The following TASP1 variants were observed in gnomAD, a reference collection of about 807,000 sequenced individuals.
TASP1 encodes taspase 1.
TASP1 carries 16 observed loss-of-function variants against 56.6 expected under a neutral mutation model. The observed-to-expected ratio is 0.28, with a 90% CI of 0.19 to 0.43. The LOEUF is 0.43. Ranked by LOEUF, TASP1 falls within the 20% of genes least tolerant of loss-of-function variation. The pLI is 1.00. For missense variants in TASP1, 393 were observed against 511.6 expected, an observed-to-expected ratio of 0.77 and a Z score of 2.24; for synonymous variants, 179 against 184.2, an observed-to-expected ratio of 0.97 and a Z score of 0.23.
At chr20:13,499,562 T>C (rs1165256481) in intron 10 of TASP1, among the ~76,000 whole-genome samples, 1 of 151,980 alleles carries the variant, frequency 6.6e-6, no homozygotes, top group Non-Finnish European at 1.5e-5. Context: ...CAGACTATGA[T>C]ACTTGGAGCA....
At chr20:13,561,483 G>C (rs1568584134) in intron 7 of TASP1, among the ~76,000 whole-genome samples, 1 of 151,766 alleles carries the variant, frequency 6.6e-6, no homozygotes, top group Admixed American at 6.6e-5. Flanking sequence ...CACTTGCCTC[G>C]GCCTCCCAAG....
At chr20:13,614,729 A>T in intron 4 of TASP1, 1 of 453,680 alleles carries the variant, frequency 2.2e-6, no homozygotes. Flanking sequence ...TGTCAAAAAC[A>T]TAACACAAAT....
intron 13 of TASP1, among the ~76,000 whole-genome samples, chr20:13,394,049 G>A (rs558783058): frequency 6.6e-6 from 1 of 152,194 alleles, no homozygotes; most frequent in African/African-American, 2.4e-5. Flanking sequence ...GGGAGGCTGA[G>A]GCAGGCGGAT....
At chr20:13,613,606 TC>T (rs2048424437) in intron 4 of TASP1, among the ~76,000 whole-genome samples, 1 of 152,144 alleles carries the variant, frequency 6.6e-6, no homozygotes, top group African/African-American at 2.4e-5. Flanking sequence ...TGCTGCCTGT[TC>T]TTAGACTTAT....
chr20:13,599,249 T>C (rs1247759930), intron 4 of TASP1, among the ~76,000 whole-genome samples: 1 of 152,182 alleles, frequency 6.6e-6, no homozygotes, highest in Non-Finnish European at 1.5e-5. Context: ...TTCAGCACTA[T>C]TCACAATAGC....
intron 4 of TASP1, among the ~76,000 whole-genome samples, chr20:13,616,384 G>C (rs556060971): frequency 6.6e-6 from 1 of 152,130 alleles, no homozygotes; most frequent in South Asian, 2.1e-4. Context: ...TGCTCCTCAG[G>C]AACTGCTAGG....
At chr20:13,588,242 AAAGGAAGAAAGGAAGGAAGGAAGG>A (rs1160595267) in intron 4 of TASP1, among the ~76,000 whole-genome samples, 16 of 130,850 alleles carry the variant, frequency 1.2e-4, no homozygotes, top group African/African-American at 3.5e-4. Flanking sequence ...AGAAAGAAAG[AAAGGAAGAAAGGAAGGAAGGAAGG>A]AAGGAAGGAA....
At chr20:13,596,679 G>C (rs2047744743) in intron 4 of TASP1, among the ~76,000 whole-genome samples, 1 of 152,104 alleles carries the variant, frequency 6.6e-6, no homozygotes, top group African/African-American at 2.4e-5. Flanking sequence ...AAATAACTAA[G>C]TTTAGAGCAG....
the TASP1 span, among the ~76,000 whole-genome samples, chr20:13,160,883 A>T: frequency 6.6e-6 from 1 of 152,238 alleles, no homozygotes; most frequent in Non-Finnish European, 1.5e-5. Context: ...AGTGGAGAAG[A>T]TTCACAGGGG....
In TASP1 at chr20:13,526,384, T is replaced by C. The variant is rs572327156; in HGVS notation, c.874+2049A>G. 2.6e-5 allele frequency among the ~76,000 whole-genome samples: 4 copies of C among 152,292 alleles called. No individual in the cohort carries two copies. In the South Asian group the frequency reaches 8.3e-4, roughly 32 times the overall value. On this transcript the variant is annotated intron_variant, in intron 10 of 13. Coordinates refer to ENST00000337743, the MANE Select transcript of TASP1 (RefSeq NM_017714.3). ...TTCTTTGAGACAATCAAAATGCAAC[T>C]ATGAATTAGTCTTTGCTTTGTTCAA...
At chr20:13,503,771 T>C (rs2044031862) in intron 10 of TASP1, among the ~76,000 whole-genome samples, 1 of 151,902 alleles carries the variant, frequency 6.6e-6, no homozygotes, top group African/African-American at 2.4e-5. Context: ...ATTAAAATCA[T>C]GCAAAATAAT....
At chr20:13,468,847 G>T (rs571819448) in intron 11 of TASP1, among the ~76,000 whole-genome samples, 329 of 139,976 alleles carry the variant, frequency 2.4e-3, no homozygotes, top group African/African-American at 7.4e-3. Context: ...AGAATTTTTG[G>T]TTTTTTTATG....
At chr20:13,106,537 AGGAGGCT>A in the TASP1 span, among the ~76,000 whole-genome samples, 2 of 152,210 alleles carry the variant, frequency 1.3e-5, no homozygotes, top group Non-Finnish European at 2.9e-5. Flanking sequence ...GAGGAGAATC[AGGAGGCT>A]GTGTGTTGGG....
At chr20:13,303,720 A>G in the TASP1 span, among the ~76,000 whole-genome samples, 2 of 152,230 alleles carry the variant, frequency 1.3e-5, no homozygotes, top group Non-Finnish European at 1.5e-5. Context: ...CCAAATATTT[A>G]TTGAGCATAT....
intron 11 of TASP1, among the ~76,000 whole-genome samples, chr20:13,459,853 G>C (rs2043987253): frequency 6.6e-6 from 1 of 151,976 alleles, no homozygotes; most frequent in Admixed American, 6.6e-5. Flanking sequence ...CCTCCTCAGG[G>C]ACCTTCACCT....
the TASP1 span, among the ~76,000 whole-genome samples, chr20:13,258,450 G>T: frequency 2.0e-5 from 3 of 152,114 alleles, no homozygotes; most frequent in Non-Finnish European, 4.4e-5. Context: ...ATGTTAAATT[G>T]TTCCTTTATT....
intron 13 of TASP1, among the ~76,000 whole-genome samples, chr20:13,412,400 TC>T (rs2123719797): frequency 6.6e-6 from 1 of 152,324 alleles, no homozygotes; most frequent in Admixed American, 6.5e-5. Flanking sequence ...CTTAGGTTTT[TC>T]TCTACCTAAT....
At chr20:13,253,216 C>A in the TASP1 span, among the ~76,000 whole-genome samples, 1 of 152,188 alleles carries the variant, frequency 6.6e-6, no homozygotes, top group Non-Finnish European at 1.5e-5. Context: ...GGTTTTTGAT[C>A]TTCTCACCCT....
chr20:13,388,195 A>G (rs961672254), downstream of TASP1, among the ~76,000 whole-genome samples: 6 of 152,226 alleles, frequency 3.9e-5, no homozygotes, highest in African/African-American at 1.2e-4. Flanking sequence ...TTAGAGAATG[A>G]GGTTATTTTC....
Sources: allele counts gnomAD v4.1 joint callset (sites outside exome capture counted in the v4.1 genomes callset), GRCh38; gene constraint gnomAD v4.1.1; transcripts MANE v1.5; gene names NCBI Gene and HGNC (gene_info 2026-07-23, HGNC 2026-07-21).